PAK1IP1: variants seen among roughly 807,000 people sequenced by gnomAD.
The protein encoded by PAK1IP1 is PAK1 interacting protein 1, also known as p21-activated protein kinase-interacting protein 1.
In PAK1IP1, 24 loss-of-function variants were observed where a neutral mutation model predicts 42.0. The ratio of observed to expected loss-of-function variants is 0.57; its 90% CI spans 0.41 to 0.80. The LOEUF is 0.80. Ranked by LOEUF, PAK1IP1 falls within the 30% of genes least tolerant of loss-of-function variation. PAK1IP1 has a pLI of 0.00. For missense variants in PAK1IP1, 411 were observed against 467.9 expected, an observed-to-expected ratio of 0.88 and a Z score of 1.12; for synonymous variants, 154 against 156.7, an observed-to-expected ratio of 0.98 and a Z score of 0.13.
intron 2 of PAK1IP1, among the ~76,000 whole-genome samples, chr6:10,700,203 T>G (rs959013785): frequency 6.6e-6 from 1 of 151,854 alleles, no homozygotes; most frequent in Non-Finnish European, 1.5e-5. Flanking sequence ...GGATTATAGG[T>G]GCCTGCCACC....
chr6:10,708,060 T>A (rs1414718492), intron 8 of PAK1IP1, among the ~76,000 whole-genome samples: 3 of 150,254 alleles, frequency 2.0e-5, no homozygotes, highest in Non-Finnish European at 4.4e-5. Flanking sequence ...TTTTTTTTTT[T>A]AAGTATACAA....
At position 10,704,541 on chromosome 6, in the gene PAK1IP1, G is replaced by C. The variant is rs748018921; in HGVS notation, c.531G>C (p.Glu177Asp). 127 of 1,596,326 alleles carry C rather than the reference G, an allele frequency of 8.0e-5. No homozygotes were observed. The highest frequency in any genetic ancestry group is 1.0e-4 in the Non-Finnish European group (118 of 1,165,884). ...TAGTAGAATGGTCCCCAAGAGGAGA[G>C]CAGTATGTAGTTATCATACAGAATA... The part of the protein sequence containing the change: ...AHIVEWSPRG[E>D]QYVVIIQNKI... Residue 177 changes from glutamate to aspartate, a missense_variant, in exon 6 of 10, where the codon GAG becomes GAC. Glu to Asp is a conservative substitution (Grantham distance 45). Coordinates refer to ENST00000379568, the MANE Select transcript of PAK1IP1 (RefSeq NM_017906.3).
intron 5 of PAK1IP1, among the ~76,000 whole-genome samples, chr6:10,703,956 C>A (rs1359150498): frequency 2.6e-5 from 4 of 152,122 alleles, no homozygotes; most frequent in African/African-American, 4.8e-5. Context: ...AGACTAGATT[C>A]TTTTTGTGGC....
At chr6:10,691,047 A>T (rs1051563465), upstream of PAK1IP1, among the ~76,000 whole-genome samples, 3 of 152,206 alleles carry the variant, frequency 2.0e-5, no homozygotes, top group Non-Finnish European at 4.4e-5. Flanking sequence ...GAGGACACAT[A>T]AAAAAGAGCA....
At chr6:10,697,519 T>C (rs1402406980) in intron 2 of PAK1IP1, 33 bp downstream of exon 2, 1 of 1,494,768 alleles carries the variant, frequency 6.7e-7, no homozygotes, top group African/African-American at 1.4e-5. Context: ...GATGAGAACA[T>C]AGAGGTTTTC....
At chr6:10,694,657 G>T (rs1769715000), upstream of PAK1IP1, 1 of 247,444 alleles carries the variant, frequency 4.0e-6, no homozygotes, top group Non-Finnish European at 8.0e-6. Flanking sequence ...GAAGGGCTTC[G>T]CAGAGGATGT....
intron 1 of PAK1IP1, among the ~76,000 whole-genome samples, chr6:10,695,274 G>A (rs1052911299): frequency 4.6e-5 from 7 of 152,158 alleles, no homozygotes; most frequent in African/African-American, 1.7e-4. Context: ...GCCTTTTCTA[G>A]TAGACAAAAG....
rs765692718 is a variant in PAK1IP1, at chr6:10,704,489, G to T, written c.497-18G>T. 2 of 1,480,578 alleles carry T rather than the reference G, an allele frequency of 1.4e-6. No individual in the cohort carries two copies. The highest frequency in any genetic ancestry group is 1.4e-5 in the African/African-American group (1 of 70,156). 91.7% of individuals were successfully genotyped at this position (1,480,578 alleles called of 1,614,324 possible). A position where few individuals can be genotyped will look rare whatever the true frequency, so the allele number is the denominator to read the frequency against. On this transcript the variant is annotated intron_variant, in intron 5 of 9. Coordinates refer to ENST00000379568, the MANE Select transcript of PAK1IP1 (RefSeq NM_017906.3). ...TTTATTTACAAAATAAATAAACTTC[G>T]TTTTTTTCCACTTACAGATGCTCAC...
intron 5 of PAK1IP1, among the ~76,000 whole-genome samples, chr6:10,703,822 G>A (rs925592477): frequency 6.6e-6 from 1 of 152,140 alleles, no homozygotes; most frequent in East Asian, 1.9e-4. Context: ...ATATTTTACA[G>A]TGACTTAATG....
At chr6:10,694,606 G>GT, upstream of PAK1IP1, 15 of 169,824 alleles carry the variant, frequency 8.8e-5, no homozygotes, top group South Asian at 6.7e-4. Context: ...CTAAGCAACC[G>GT]GCCGGAAGTC....
Position 10,704,853 on chromosome 6 carries a change from AC to A in PAK1IP1, c.740+11del. ...AAAGCTCATGAAAACAGGTATTTTT[AC>A]CAATCTTTGGTGTATATGTCTAGTC... On this transcript the variant is annotated intron_variant, in intron 7 of 9. Transcript: ENST00000379568. The A allele has an allele frequency of 6.5e-7, 1 of 1,545,368 alleles. No individual in the cohort carries two copies. The highest frequency in any genetic ancestry group is 8.9e-7 in the Non-Finnish European group (1 of 1,117,422).
In PAK1IP1 at chr6:10,709,616, A is replaced by AAC. The variant is rs1210726241; in HGVS notation, c.*165_*166insCA. 4.7e-6 allele frequency: 2 copies of AAC among 426,914 alleles called. No individual in the cohort carries two copies. The highest frequency in any genetic ancestry group is 4.3e-5 in the African/African-American group (2 of 46,410). The allele number at this position is 426,914 out of a possible 1,614,324, so 26.4% of individuals were successfully genotyped here. On this transcript the variant is annotated 3_prime_UTR_variant, in exon 10 of 10. Transcript: ENST00000379568. ...GATGGTTTTTTTTAAAAAAAAAAAA[A>AAC]AAACTGGTAAAATTACTTTTGGCAG...
intron 8 of PAK1IP1, among the ~76,000 whole-genome samples, chr6:10,708,041 C>CTTTTTTTTTTTTTTT (rs34074813): frequency 1.1e-5 from 1 of 92,298 alleles, no homozygotes. Flanking sequence ...TTAGAATTTT[C>CTTTTTTTTTTTTTTT]TTTTTTTTTT....
Position 10,709,381 on chromosome 6 carries a change from A to AC in PAK1IP1, c.1110dup (p.Lys371GlnfsTer34). 1 of 1,613,906 alleles carries AC rather than the reference A, an allele frequency of 6.2e-7. No individual in the cohort carries two copies. The highest frequency in any genetic ancestry group is 8.5e-7 in the Non-Finnish European group (1 of 1,179,940). On this transcript the variant is annotated frameshift_variant, in exon 10 of 10. Coordinates refer to ENST00000379568, the MANE Select transcript of PAK1IP1 (RefSeq NM_017906.3). LOFTEE classifies it low-confidence loss of function (END_TRUNC). ...AACAAAAGAAAGTGGCCTGATATCA[A>AC]CCAAGAAGAGGAAAATGGTAGAAAT...
At chr6:10,707,648 G>A (rs1770246385) in intron 8 of PAK1IP1, 134 bp downstream of exon 8, 1 of 574,012 alleles carries the variant, frequency 1.7e-6, no homozygotes. Flanking sequence ...TGATATTAAT[G>A]GTTTTAAAAT....
chr6:10,706,711 C>T (rs796127901), intron 7 of PAK1IP1, among the ~76,000 whole-genome samples: 3 of 151,920 alleles, frequency 2.0e-5, no homozygotes, highest in South Asian at 2.1e-4. Flanking sequence ...GGTGAAACCC[C>T]GTCTCTACTA....
At chr6:10,705,103 T>TTA (rs1387203640) in intron 7 of PAK1IP1, among the ~76,000 whole-genome samples, 16 of 152,172 alleles carry the variant, frequency 1.1e-4, no homozygotes, top group Non-Finnish European at 1.8e-4. Context: ...GGCGGGCGGA[T>TTA]CAGGAGGTCA....
chr6:10,697,540 G>A, intron 2 of PAK1IP1, 54 bp downstream of exon 2: 1 of 1,267,796 alleles, frequency 7.9e-7, no homozygotes, highest in Non-Finnish European at 1.1e-6. Context: ...TTTACAATTT[G>A]ACTTCAGTTG....
chr6:10,692,465 GAC>G (rs1180957072), upstream of PAK1IP1, among the ~76,000 whole-genome samples: 1 of 151,666 alleles, frequency 6.6e-6, no homozygotes, highest in Non-Finnish European at 1.5e-5. Context: ...TTTTTTTTGA[GAC>G]AGTCTCACTC....
Sources: gnomAD v4.1 joint callset for allele counts (sites outside exome capture counted in the v4.1 genomes callset) on GRCh38, gnomAD v4.1.1 for gene constraint, MANE v1.5 for transcripts, NCBI Gene and HGNC (gene_info 2026-07-23, HGNC 2026-07-21) for gene names.